Variants in FBN2 observed in about 807,000 individuals in gnomAD.
The protein encoded by FBN2 is fibrillin-2.
A neutral mutation model predicts 355.6 loss-of-function variants in FBN2; 105 were observed. The observed-to-expected ratio is 0.30, with a 90% CI of 0.25 to 0.35. The LOEUF is 0.35. Among genes scored for constraint, FBN2 ranks in the 10% least tolerant of loss-of-function variants. FBN2 has a pLI of 1.00. For missense variants in FBN2, 3,280 were observed against 3,758.7 expected (o/e 0.87, Z 3.33); for synonymous variants, 1,350 against 1,301.2 (o/e 1.04, Z -0.81).
At chr5:128,305,970 C>T (rs746582831) in intron 42 of FBN2, 22 bp from the exon 43 acceptor site, 1 of 1,608,474 alleles carries the variant, frequency 6.2e-7, no homozygotes, top group South Asian at 1.1e-5. Context: ...CAGATTTGGT[C>T]AAATATATGT....
chr5:128,449,218 A>G (rs1754155355), intron 6 of FBN2, among the ~76,000 whole-genome samples: 1 of 150,570 alleles, frequency 6.6e-6, no homozygotes, highest in South Asian at 2.1e-4. Context: ...CAACAATAAC[A>G]TGAAAAATTG....
chr5:128,463,485 T>C (rs1294385017), intron 6 of FBN2, among the ~76,000 whole-genome samples: 2 of 152,198 alleles, frequency 1.3e-5, no homozygotes, highest in Admixed American at 6.5e-5. Flanking sequence ...TTTAGTTATA[T>C]AGTCATCCCC....
chr5:128,527,636 T>C (rs796590144), intron 4 of FBN2, among the ~76,000 whole-genome samples: 11 of 152,260 alleles, frequency 7.2e-5, no homozygotes, highest in South Asian at 4.1e-4. Context: ...GCTAAAGCAC[T>C]AGTTACCAGT....
chr5:128,510,402 T>G (rs1034336272), intron 5 of FBN2, among the ~76,000 whole-genome samples: 2 of 152,214 alleles, frequency 1.3e-5, no homozygotes, highest in African/African-American at 4.8e-5. Flanking sequence ...GGAAAAACCC[T>G]TTCAGGCAGC....
intron 7 of FBN2, among the ~76,000 whole-genome samples, chr5:128,418,493 T>G (rs1753262888): frequency 6.6e-6 from 1 of 152,144 alleles, no homozygotes; most frequent in African/African-American, 2.4e-5. Context: ...GCTACAAACT[T>G]TCCTCTTAGC....
At chr5:128,416,332 T>G (rs1472516556) in intron 7 of FBN2, among the ~76,000 whole-genome samples, 1 of 152,198 alleles carries the variant, frequency 6.6e-6, no homozygotes, top group Non-Finnish European at 1.5e-5. Context: ...AACCCATAGT[T>G]TGCAAACATT....
intron 7 of FBN2, among the ~76,000 whole-genome samples, chr5:128,435,123 T>A (rs1226831048): frequency 6.6e-6 from 1 of 152,210 alleles, no homozygotes; most frequent in Non-Finnish European, 1.5e-5. Flanking sequence ...TGCAATTTCC[T>A]GACCACTGTC....
rs148977643 is a variant in FBN2, at chr5:128,266,944, G to T, written c.7961-3288C>A. Among the ~76,000 whole-genome samples the T allele has an allele frequency of 1.6e-4, 24 of 152,118 alleles. No individual in the cohort carries two copies. In the East Asian group the frequency reaches 2.7e-3, roughly 17 times the overall value. On this transcript the variant is annotated intron_variant, in intron 62 of 64. Transcript: ENST00000262464. ...GCCATGGTGCTGTGCTGCACCTACTGACTCATCTTCTAGGTTACCTCCCCT... is the reference window on the plus strand; with the variant it reads ...GCCATGGTGCTGTGCTGCACCTACTTACTCATCTTCTAGGTTACCTCCCCT...
intron 62 of FBN2, among the ~76,000 whole-genome samples, chr5:128,271,327 A>T (rs578141684): frequency 1.3e-5 from 2 of 152,212 alleles, no homozygotes; most frequent in South Asian, 4.1e-4. Context: ...CGCATTCAAA[A>T]GGAGCCAAGA....
intron 11 of FBN2, among the ~76,000 whole-genome samples, chr5:128,390,366 C>A (rs899712518): frequency 6.6e-6 from 1 of 151,758 alleles, no homozygotes; most frequent in Non-Finnish European, 1.5e-5. Flanking sequence ...TATTAAGATG[C>A]TATTTACTTT....
chr5:128,496,676 GA>G (rs1380945442), intron 5 of FBN2, among the ~76,000 whole-genome samples: 2 of 151,882 alleles, frequency 1.3e-5, no homozygotes, highest in Non-Finnish European at 2.9e-5. Context: ...GAAAAGAAAA[GA>G]AAAAGCATCC....
intron 6 of FBN2, among the ~76,000 whole-genome samples, chr5:128,463,745 G>A (rs1172680262): frequency 2.6e-5 from 4 of 152,030 alleles, no homozygotes; most frequent in Non-Finnish European, 5.9e-5. Flanking sequence ...GATTTACACA[G>A]GCCCAATAGA....
chr5:128,299,292 C>T (rs1458885516), intron 48 of FBN2, among the ~76,000 whole-genome samples: 2 of 151,882 alleles, frequency 1.3e-5, no homozygotes, highest in Non-Finnish European at 2.9e-5. Flanking sequence ...TTTTGTTTGT[C>T]TGTGCCCTGC....
intron 51 of FBN2, 99 bp from the exon 52 acceptor site, chr5:128,289,351 AGGTG>A: frequency 8.1e-7 from 1 of 1,231,824 alleles, no homozygotes; most frequent in Non-Finnish European, 1.2e-6. Context: ...TGGGAGGCCG[AGGTG>A]GGTGGATCAC....
intron 7 of FBN2, among the ~76,000 whole-genome samples, chr5:128,426,228 A>G (rs1753478927): frequency 6.6e-6 from 1 of 152,198 alleles, no homozygotes; most frequent in Admixed American, 6.5e-5. Context: ...CAGCACAGAC[A>G]CATTCACATT....
At chr5:128,423,249 A>C (rs1226811660) in intron 7 of FBN2, among the ~76,000 whole-genome samples, 1 of 152,180 alleles carries the variant, frequency 6.6e-6, no homozygotes, top group Non-Finnish European at 1.5e-5. Context: ...CAGGTGTATT[A>C]GTCCGTTCTC....
At chr5:128,480,634 C>T (rs539326525) in intron 5 of FBN2, among the ~76,000 whole-genome samples, 30 of 152,164 alleles carry the variant, frequency 2.0e-4, no homozygotes, top group South Asian at 8.3e-4. Flanking sequence ...GGCTTGAACC[C>T]GGGAGGCAGA....
chr5:128,368,399 C>CAT (rs1010315791), intron 16 of FBN2, among the ~76,000 whole-genome samples: 1 of 138,190 alleles, frequency 7.2e-6, no homozygotes, highest in Non-Finnish European at 1.6e-5. Context: ...GAGAGATCTT[C>CAT]ATATATATGT....
intron 2 of FBN2, 57 bp from the exon 3 acceptor site, chr5:128,530,750 CA>C (rs1581374723): frequency 1.8e-6 from 2 of 1,121,238 alleles, no homozygotes; most frequent in East Asian, 4.8e-5. Flanking sequence ...CCATAGTTTA[CA>C]AAACAAGAAA....
Sources: gnomAD v4.1 joint callset for allele counts (sites outside exome capture counted in the v4.1 genomes callset) on GRCh38, gnomAD v4.1.1 for gene constraint, MANE v1.5 for transcripts, NCBI Gene and HGNC (gene_info 2026-07-23, HGNC 2026-07-21) for gene names.